EEPD1: variants seen among roughly 807,000 people sequenced by gnomAD.
EEPD1 encodes endonuclease/exonuclease/phosphatase family domain containing 1.
Under a neutral mutation model 46.3 loss-of-function variants are expected in EEPD1, and 17 were observed. The observed-to-expected ratio is 0.37, with a 90% CI of 0.25 to 0.55. The LOEUF (loss-of-function observed/expected upper bound fraction) is 0.55, where lower values mean the gene tolerates loss of function less well. Ranked by LOEUF, EEPD1 falls within the 20% of genes least tolerant of loss-of-function variation. The probability of loss-of-function intolerance (pLI) is 0.83; values close to 1 mark genes in which losing one functional copy is unlikely to be tolerated. For missense variants in EEPD1, 673 were observed against 745.6 expected (o/e 0.90, Z 1.13); for synonymous variants, 313 against 315.6 (o/e 0.99, Z 0.09).
intron 3 of EEPD1, among the ~76,000 whole-genome samples, chr7:36,241,783 G>C: frequency 6.6e-6 from 1 of 152,036 alleles, no homozygotes. Flanking sequence ...CAGGATAATC[G>C]CTTGAGTCTG....
intron 3 of EEPD1, among the ~76,000 whole-genome samples, chr7:36,266,860 C>T (rs910087381): frequency 2.0e-5 from 3 of 152,118 alleles, no homozygotes; most frequent in Admixed American, 1.3e-4. Context: ...TGGCTTTTTT[C>T]GCTTAGTGTA....
intron 3 of EEPD1, among the ~76,000 whole-genome samples, chr7:36,270,046 T>C (rs944771066): frequency 1.3e-4 from 20 of 152,110 alleles, no homozygotes; most frequent in African/African-American, 4.8e-4. Flanking sequence ...AAGGACTTGA[T>C]TTTAGAAGAG....
chr7:36,201,839 A>T (rs187411264), intron 2 of EEPD1, among the ~76,000 whole-genome samples: 1 of 152,324 alleles, frequency 6.6e-6, no homozygotes, highest in East Asian at 1.9e-4. Flanking sequence ...TTCTTGCTGG[A>T]TGGAGCCTGA....
chr7:36,234,533 G>T (rs991019094), intron 2 of EEPD1, among the ~76,000 whole-genome samples: 5 of 151,920 alleles, frequency 3.3e-5, no homozygotes, highest in Non-Finnish European at 7.4e-5. Flanking sequence ...TTAGCCTGGT[G>T]TGGTGGCGTG....
chr7:36,251,857 T>A (rs936268556), intron 3 of EEPD1, among the ~76,000 whole-genome samples: 2 of 152,222 alleles, frequency 1.3e-5, no homozygotes, highest in Admixed American at 6.5e-5. Flanking sequence ...ATGCAATGAT[T>A]TTTTGGTAAT....
rs1292595135 is a variant in EEPD1 at position 36,299,009 on chromosome 7, C to T, written c.1513C>T (p.His505Tyr). ...CTCTTTCCTTCCTCTCCCTTCAGGT[C>T]ACTGGGCTGTGGTGAGAGAAGGCCT... ...SKSLKKVFTG[H>Y]WAVVREGLTN... is the part of the protein sequence containing the mutation. Residue 505 changes from histidine (H) to tyrosine (Y), a missense_variant and splice_region_variant, in exon 8 of 8, where the codon CAC (histidine) becomes TAC (tyrosine). Physicochemically the swap from His to Tyr is moderately conservative, Grantham distance 83 (BLOSUM62 2). Transcript: ENST00000242108. 1.2e-6 allele frequency: 2 copies of T among 1,613,872 alleles called. No homozygotes were observed. The highest frequency in any genetic ancestry group is 2.2e-5 in the East Asian group (1 of 44,896).
chr7:36,284,151 T>C (rs1787304289), intron 4 of EEPD1, among the ~76,000 whole-genome samples: 5 of 152,150 alleles, frequency 3.3e-5, no homozygotes. Context: ...CCCAAGCCAT[T>C]AGGTCAACTG....
chr7:36,211,549 G>A (rs949351796), intron 2 of EEPD1, among the ~76,000 whole-genome samples: 3 of 152,136 alleles, frequency 2.0e-5, no homozygotes, highest in African/African-American at 7.2e-5. Context: ...TCTTTTCTAG[G>A]GAAGGGTTGT....
chr7:36,240,383 T>A (rs1158783016), intron 3 of EEPD1, among the ~76,000 whole-genome samples: 1 of 152,222 alleles, frequency 6.6e-6, no homozygotes, highest in Non-Finnish European at 1.5e-5. Flanking sequence ...GTCTGAGCAC[T>A]GCTTTGGATT....
Position 36,154,959 on chromosome 7 carries a change from C to A in EEPD1, c.635C>A (p.Thr212Asn). 14 of 1,613,990 alleles carry A rather than the reference C, an allele frequency of 8.7e-6. No individual in the cohort carries two copies. Among genetic ancestry groups the A allele is most frequent in the Non-Finnish European group, 1.2e-5 (14 of 1,179,984 alleles). The change falls in exon 2 of 8, where the codon ACC becomes AAC. Residue 212 changes from threonine to asparagine, a missense_variant. Physicochemically the swap from Thr to Asn is moderately conservative, Grantham distance 65. Coordinates refer to ENST00000242108, the MANE Select transcript of EEPD1 (RefSeq NM_030636.3). This position sits in a 1 kb window ranked among gnomAD's most constrained non-coding sequence, Gnocchi z 4.2. ...PPSTHTNGGL[T>N]FTAKPHPSPT... ...TCCACCCACACGAACGGGGGACTGA[C>A]CTTCACCGCCAAGCCTCACCCGAGC...
Position 36,177,386 on chromosome 7 carries a change from T to C in EEPD1, c.878+22184T>C, listed in dbSNP as rs1330162900. On this transcript the variant is annotated intron_variant, in intron 2 of 7. Coordinates refer to ENST00000242108, the MANE Select transcript of EEPD1 (RefSeq NM_030636.3). ...CCCATCATCCAGGTAGTGAGCATAG[T>C]ACCCAGTAGGGAGTTTTTTCAACCC... is the stretch of plus-strand genomic sequence containing the variant. Among the ~76,000 whole-genome samples the C allele has an allele frequency of 3.3e-5, 5 of 152,210 alleles. No homozygotes were observed. In the South Asian group the frequency reaches 8.3e-4, roughly 25 times the overall value.
chr7:36,211,555 G>T (rs1484186328), intron 2 of EEPD1, among the ~76,000 whole-genome samples: 1 of 152,140 alleles, frequency 6.6e-6, no homozygotes, highest in Non-Finnish European at 1.5e-5. Context: ...CTAGGGAAGG[G>T]TTGTCTTTTT....
chr7:36,183,507 GTT>G (rs1785309804), intron 2 of EEPD1, among the ~76,000 whole-genome samples: 1 of 152,100 alleles, frequency 6.6e-6, no homozygotes, highest in Non-Finnish European at 1.5e-5. Context: ...CTGCCAATCT[GTT>G]TGTGAGCTTC....
At chr7:36,242,108 G>T (rs1026767452) in intron 3 of EEPD1, among the ~76,000 whole-genome samples, 2 of 152,056 alleles carry the variant, frequency 1.3e-5, no homozygotes, top group African/African-American at 2.4e-5. Context: ...GTTTATCTTG[G>T]ATTACTTACT....
At chr7:36,211,582 GA>G (rs1319468267) in intron 2 of EEPD1, among the ~76,000 whole-genome samples, 2 of 152,230 alleles carry the variant, frequency 1.3e-5, no homozygotes, top group Admixed American at 1.3e-4. Flanking sequence ...AAAACCCTGA[GA>G]AAAAAATCAG....
intron 2 of EEPD1, among the ~76,000 whole-genome samples, chr7:36,187,426 C>A (rs1439970483): frequency 6.6e-6 from 1 of 152,148 alleles, no homozygotes; most frequent in Non-Finnish European, 1.5e-5. Flanking sequence ...CAGCCCCTGG[C>A]AACCACCATC....
chr7:36,283,253 A>T (rs1787289065), intron 4 of EEPD1, among the ~76,000 whole-genome samples: 1 of 152,176 alleles, frequency 6.6e-6, no homozygotes, highest in South Asian at 2.1e-4. Context: ...GCATTGGGAA[A>T]GGCTCCCAGG....
At chr7:36,298,043 C>T (rs1787554037) in intron 7 of EEPD1, among the ~76,000 whole-genome samples, 1 of 152,214 alleles carries the variant, frequency 6.6e-6, no homozygotes, top group Non-Finnish European at 1.5e-5. Context: ...CTAGGCTTGA[C>T]TGTCACCTGC....
chr7:36,156,979 G>GA (rs5883534), intron 2 of EEPD1, among the ~76,000 whole-genome samples: 43,508 of 149,444 alleles, frequency 0.29, 6,441 homozygotes, highest in African/African-American at 0.38. Flanking sequence ...AAATATTCAG[G>GA]AAAAAAAAAA....
Sources: gnomAD v4.1 joint callset for allele counts (sites outside exome capture counted in the v4.1 genomes callset) on GRCh38, gnomAD v4.1.1 for gene constraint, Gnocchi (gnomAD v3.1) non-coding constraint, MANE v1.5 for transcripts, NCBI Gene and HGNC (gene_info 2026-07-23, HGNC 2026-07-21) for gene names.